Variants in EYS observed in about 807,000 individuals in gnomAD.
EYS encodes the protein protein eyes shut homolog.
Under a neutral mutation model 282.1 loss-of-function variants are expected in EYS, and 250 were observed. That is an observed-to-expected ratio of 0.89 (90% CI 0.80 to 0.98). EYS has a LOEUF of 0.98. EYS is among the 50% of genes least tolerant of loss of function. EYS has a pLI of 0.00. For synonymous variants in EYS, 1,355 were observed against 1,282.9 expected, an observed-to-expected ratio of 1.06 and a Z score of -1.20; for missense variants, 4,016 against 3,709.0, an observed-to-expected ratio of 1.08 and a Z score of -2.15.
intron 7 of EYS, 79 bp downstream of exon 7, chr6:65,402,399 G>A: frequency 9.6e-7 from 1 of 1,036,766 alleles, no homozygotes; most frequent in Non-Finnish European, 1.5e-6. Context: ...GTTAAAACCA[G>A]AACATCATTA....
Position 64,230,793 on chromosome 6 carries a change from A to C in EYS, c.6223T>G (p.Ser2075Ala). 2 of 1,550,970 alleles carry C rather than the reference A, an allele frequency of 1.3e-6. No homozygotes were observed. The highest frequency in any genetic ancestry group is 1.7e-6 in the Non-Finnish European group (2 of 1,146,396). ...SQGFMLSPTA[S>A]FVDASDVTQG... The stretch of plus-strand genomic sequence containing the variant: ...GTCACATCAGAAGCATCAACAAAGG[A>C]GGCTGTTGGAGACAGCATAAATCCC... The change falls in exon 31 of 43, where the codon TCC becomes GCC. Residue 2075 changes from serine to alanine, a missense_variant. Ser to Ala is a moderately conservative substitution (Grantham distance 99). Coordinates refer to ENST00000503581, the MANE Select transcript of EYS (RefSeq NM_001142800.2).
At chr6:64,693,751 T>TA (rs1770481233) in intron 22 of EYS, among the ~76,000 whole-genome samples, 3 of 152,038 alleles carry the variant, frequency 2.0e-5, no homozygotes, top group Admixed American at 6.6e-5. Context: ...ATTAATTTTT[T>TA]TAAAAAATCA....
chr6:64,277,615 C>G lies in EYS; in HGVS notation c.6191+29355G>C, dbSNP rs192297303. On this transcript the variant is annotated intron_variant, in intron 30 of 42. Coordinates refer to ENST00000503581, the MANE Select transcript of EYS (RefSeq NM_001142800.2). Reference sequence around the variant, plus strand: ...AATCCAGAAAGAAAGTATAATTATACAACTCTTACCTTTCAAGGAGAACGA... The same window carrying G: ...AATCCAGAAAGAAAGTATAATTATAGAACTCTTACCTTTCAAGGAGAACGA... Among the ~76,000 whole-genome samples, 91 of 152,210 alleles carry G rather than the reference C, an allele frequency of 6.0e-4. 1 individual carries two copies. Among genetic ancestry groups the G allele is most frequent in the Admixed American group, 1.3e-4 (2 of 15,280 alleles).
intron 31 of EYS, among the ~76,000 whole-genome samples, chr6:64,176,407 T>G (rs1764635754): frequency 6.6e-6 from 1 of 152,104 alleles, no homozygotes; most frequent in African/African-American, 2.4e-5. Flanking sequence ...TCGAATAGTT[T>G]TATGATTCTT....
At position 64,590,627 on chromosome 6, in the gene EYS, T is replaced by C. The variant is rs535663619; in HGVS notation, c.5240A>G (p.Glu1747Gly). 1.3e-4 allele frequency: 198 copies of C among 1,551,292 alleles called. No homozygotes were observed. The African/African-American group carries it at 2.5e-3, about 19-fold the overall frequency. ...ATCCGGATAAATTTGTAAGTTTAAC[T>C]CAAAATCCAGAGAACTATCACTTGG... ...LHPSDSSLDF[E>G]LNLQIYPDVT... The change falls in exon 26 of 43, where the codon GAG becomes GGG. Residue 1747 changes from glutamate (E) to glycine (G), a missense_variant. Glu to Gly is a moderately conservative substitution (Grantham distance 98). Transcript: ENST00000503581.
chr6:64,702,976 A>C (rs1183629831), intron 22 of EYS, among the ~76,000 whole-genome samples: 2 of 152,112 alleles, frequency 1.3e-5, no homozygotes, highest in Non-Finnish European at 2.9e-5. Context: ...ATTACCTGTT[A>C]ATGTGACAGA....
chr6:65,668,280 C>A (rs1768267826), intron 1 of EYS, among the ~76,000 whole-genome samples: 1 of 151,868 alleles, frequency 6.6e-6, no homozygotes, highest in Non-Finnish European at 1.5e-5. Flanking sequence ...AAAATCAATT[C>A]ATTTAAAGTG....
At chr6:65,003,166 G>A (rs1771522178) in intron 13 of EYS, among the ~76,000 whole-genome samples, 1 of 147,614 alleles carries the variant, frequency 6.8e-6, no homozygotes, top group Admixed American at 6.7e-5. Flanking sequence ...AAAGCAAATG[G>A]GAGAAATATA....
Position 65,127,592 on chromosome 6 carries a change from G to A in EYS, c.2024-69865C>T, listed in dbSNP as rs775454351. On this transcript the variant is annotated intron_variant, in intron 12 of 42. Coordinates refer to ENST00000503581, the MANE Select transcript of EYS (RefSeq NM_001142800.2). ...AACAATTTACTGTAGCTGTGTTATT[G>A]TCCTGAAACAGGAAGCCTATGTATC... 9.9e-5 allele frequency among the ~76,000 whole-genome samples: 15 copies of A among 152,094 alleles called. 1 individual carries two copies. The highest frequency in any genetic ancestry group is 1.6e-4 in the Non-Finnish European group (11 of 68,010).
intron 9 of EYS, among the ~76,000 whole-genome samples, chr6:65,348,353 AG>A (rs2150323352): frequency 6.6e-6 from 1 of 151,942 alleles, no homozygotes; most frequent in East Asian, 1.9e-4. Context: ...TCCCACCAAC[AG>A]TGTACAAGGG....
intron 41 of EYS, 104 bp from the exon 42 acceptor site, chr6:63,726,784 T>G: frequency 9.1e-7 from 1 of 1,093,224 alleles, no homozygotes; most frequent in Non-Finnish European, 1.3e-6. Context: ...ATTTCAGGAT[T>G]TATCGCCCAA....
intron 26 of EYS, among the ~76,000 whole-genome samples, chr6:64,556,017 G>T (rs561086314): frequency 2.0e-5 from 3 of 152,014 alleles, no homozygotes; most frequent in Non-Finnish European, 4.4e-5. Flanking sequence ...AGAGAAGCCA[G>T]AACTCTCACA....
At chr6:65,384,835 A>C (rs1765740605) in intron 7 of EYS, among the ~76,000 whole-genome samples, 1 of 151,864 alleles carries the variant, frequency 6.6e-6, no homozygotes, top group African/African-American at 2.4e-5. Context: ...GTGATTTTTT[A>C]ATGTTTAGTA....
intron 35 of EYS, among the ~76,000 whole-genome samples, chr6:63,927,538 T>C (rs1405358721): frequency 6.6e-6 from 1 of 152,254 alleles, no homozygotes; most frequent in Non-Finnish European, 1.5e-5. Flanking sequence ...AAATTTTTTC[T>C]GTTGTGGGCT....
chr6:65,095,699 A>C (rs2150180543), intron 12 of EYS, among the ~76,000 whole-genome samples: 1 of 150,916 alleles, frequency 6.6e-6, no homozygotes, highest in Middle Eastern at 3.4e-3. Context: ...GATAAACATC[A>C]CATGATCATT....
intron 2 of EYS, among the ~76,000 whole-genome samples, chr6:65,544,934 T>G (rs576597931): frequency 6.6e-6 from 1 of 152,218 alleles, no homozygotes; most frequent in Non-Finnish European, 1.5e-5. Context: ...TTAAAAGAAC[T>G]GATAATCACA....
Position 65,184,387 on chromosome 6 carries a change from A to C in EYS, c.2023+111476T>G, listed in dbSNP as rs562843966. 4.0e-4 allele frequency among the ~76,000 whole-genome samples: 61 copies of C among 151,986 alleles called. 1 individual carries two copies. In the East Asian group the frequency reaches 4.1e-3, roughly 10 times the overall value. On this transcript the variant is annotated intron_variant, in intron 12 of 42. Transcript: ENST00000503581. ...CAACCATGATAATGATAACAGCATTAATCTATTCATGAGAGCCAGGACCTC... is the reference window on the plus strand; with the variant it reads ...CAACCATGATAATGATAACAGCATTCATCTATTCATGAGAGCCAGGACCTC...
chr6:65,426,303 C>T (rs538164794), intron 5 of EYS, among the ~76,000 whole-genome samples: 11 of 152,166 alleles, frequency 7.2e-5, no homozygotes, highest in African/African-American at 2.4e-4. Flanking sequence ...TTATTATTAA[C>T]TTTTCATTTC....
intron 29 of EYS, among the ~76,000 whole-genome samples, chr6:64,339,836 G>A (rs1272413381): frequency 6.6e-6 from 1 of 151,714 alleles, no homozygotes; most frequent in Non-Finnish European, 1.5e-5. Context: ...CTGATAAGTG[G>A]GAGCTAAACT....
Sources: allele counts gnomAD v4.1 joint callset (sites outside exome capture counted in the v4.1 genomes callset), GRCh38; gene constraint gnomAD v4.1.1; transcripts MANE v1.5; gene names NCBI Gene and HGNC (gene_info 2026-07-23, HGNC 2026-07-21).